Variants in ACSL1 observed in about 807,000 individuals in gnomAD.
The protein encoded by ACSL1 is acyl-CoA synthetase long chain family member 1, also known as long-chain-fatty-acid--CoA ligase 1.
In ACSL1, 41 loss-of-function variants were observed where a neutral mutation model predicts 98.4. The ratio of observed to expected loss-of-function variants is 0.42; its 90% CI spans 0.32 to 0.54. The LOEUF (loss-of-function observed/expected upper bound fraction) is 0.54, where lower values mean the gene tolerates loss of function less well. ACSL1 is among the 20% of genes least tolerant of loss of function. The pLI, the probability that ACSL1 is intolerant of heterozygous loss-of-function variation, is 0.13. For synonymous variants in ACSL1, 316 were observed against 322.7 expected, an observed-to-expected ratio of 0.98 and a Z score of 0.22; for missense variants, 734 against 883.1, an observed-to-expected ratio of 0.83 and a Z score of 2.14.
At chr4:184,821,734 A>G (rs1041975537) in intron 1 of ACSL1, among the ~76,000 whole-genome samples, 2 of 152,244 alleles carry the variant, frequency 1.3e-5, no homozygotes, top group Non-Finnish European at 2.9e-5. Context: ...TGGCCCATAC[A>G]GCAAATAATG....
chr4:184,759,274 G>A (rs958336350), intron 18 of ACSL1, among the ~76,000 whole-genome samples: 1 of 152,164 alleles, frequency 6.6e-6, no homozygotes, highest in African/African-American at 2.4e-5. Context: ...CCAGTAATGG[G>A]ATTGCTGGGT....
Position 184,773,583 on chromosome 4 carries a change from G to C in ACSL1, c.841+80C>G. The C allele has an allele frequency of 7.3e-7, 1 of 1,364,136 alleles. No homozygotes were observed. The highest frequency in any genetic ancestry group is 1.0e-6 in the Non-Finnish European group (1 of 990,344). The allele number at this position is 1,364,136 out of a possible 1,614,324, so 84.5% of individuals were successfully genotyped here. On this transcript the variant is annotated intron_variant, in intron 9 of 20. Coordinates refer to ENST00000281455, the MANE Select transcript of ACSL1 (RefSeq NM_001995.5). This position sits in a 1 kb window ranked among gnomAD's most constrained non-coding sequence, Gnocchi z 4.3. ...GCTTTTGGTCCGTCTACTGTTAGCTGATAAGTCATCCAAAAGAGGTAGGGG... is the reference window on the plus strand; with the variant it reads ...GCTTTTGGTCCGTCTACTGTTAGCTCATAAGTCATCCAAAAGAGGTAGGGG...
chr4:184,769,975 A>G (rs1271552770), intron 11 of ACSL1, among the ~76,000 whole-genome samples: 3 of 152,226 alleles, frequency 2.0e-5, no homozygotes, highest in Non-Finnish European at 2.9e-5. Context: ...AACAAGCACA[A>G]TCAAAAATAG....
intron 4 of ACSL1, among the ~76,000 whole-genome samples, chr4:184,780,883 C>T (rs1031351516): frequency 2.0e-5 from 3 of 152,162 alleles, no homozygotes; most frequent in African/African-American, 7.2e-5. Context: ...TTAAGTTCTA[C>T]AGTTCCATTC....
At chr4:184,808,240 T>TAC (rs144996842) in intron 1 of ACSL1, 46,846 of 802,764 alleles carry the variant, frequency 0.058, 2,797 homozygotes, top group African/African-American at 0.31. Flanking sequence ...TACACAAACA[T>TAC]ACACACACAC....
chr4:184,802,634 G>A (rs1209068937), intron 2 of ACSL1, among the ~76,000 whole-genome samples: 1 of 152,164 alleles, frequency 6.6e-6, no homozygotes, highest in African/African-American at 2.4e-5. Context: ...GAATCTTCCT[G>A]AAAGGATCCT....
intron 2 of ACSL1, among the ~76,000 whole-genome samples, chr4:184,802,282 G>A (rs1038687971): frequency 1.3e-5 from 2 of 152,104 alleles, no homozygotes; most frequent in African/African-American, 4.8e-5. Context: ...CAAAGACCTA[G>A]AATCCCATAA....
rs1009534077 is a variant in ACSL1, at chr4:184,773,219, C to T, written c.842-65G>A. On this transcript the variant is annotated intron_variant, in intron 9 of 20. Coordinates refer to ENST00000281455, the MANE Select transcript of ACSL1 (RefSeq NM_001995.5). The surrounding 1 kb of genome is among the most constrained non-coding windows in gnomAD (Gnocchi z 4.3). ...ACAGAAATGAAGGAGGCCCAGAAACCTCACATAATTAGGGCTTCAGACACC... is the reference window on the plus strand; with the variant it reads ...ACAGAAATGAAGGAGGCCCAGAAACTTCACATAATTAGGGCTTCAGACACC... 25 of 1,456,464 alleles carry T rather than the reference C, an allele frequency of 1.7e-5. 1 individual carries two copies. In the Admixed American group the frequency reaches 4.3e-4, roughly 25 times the overall value. The allele number at this position is 1,456,464 out of a possible 1,614,324, so 90.2% of individuals were successfully genotyped here. A position where few individuals can be genotyped will look rare whatever the true frequency, so the allele number is the denominator to read the frequency against.
chr4:184,775,235 A>G (rs545553880), intron 7 of ACSL1, among the ~76,000 whole-genome samples: 1 of 152,168 alleles, frequency 6.6e-6, no homozygotes, highest in Non-Finnish European at 1.5e-5. Flanking sequence ...TTTGCTCAGA[A>G]TATTTTTAAA....
At chr4:184,791,057 A>G (rs1768262137) in intron 2 of ACSL1, among the ~76,000 whole-genome samples, 2 of 152,250 alleles carry the variant, frequency 1.3e-5, no homozygotes, top group Admixed American at 1.3e-4. Context: ...TGGTTGTCTC[A>G]GCATGGCCTA....
chr4:184,791,519 C>T (rs1768362794), intron 2 of ACSL1, among the ~76,000 whole-genome samples: 1 of 152,208 alleles, frequency 6.6e-6, no homozygotes, highest in Non-Finnish European at 1.5e-5. Flanking sequence ...TGCGATCCAG[C>T]AATCTGTGCT....
intron 2 of ACSL1, among the ~76,000 whole-genome samples, chr4:184,799,412 C>T (rs189089190): frequency 7.9e-5 from 12 of 152,298 alleles, no homozygotes; most frequent in Non-Finnish European, 1.6e-4. Context: ...CCACTGTGCC[C>T]AGCCCACTAC....
rs1480299795 is a variant in ACSL1, at chr4:184,776,806, T to C, written c.577+78A>G. 3 of 1,539,052 alleles carry C rather than the reference T, an allele frequency of 1.9e-6. No homozygotes were observed. The Admixed American group carries it at 5.6e-5, about 29-fold the overall frequency. ...ATTTACATGTAAAATCTTTGTCAAATCAAATGTAAGCAAATGTAAAGTCAC... is the reference window on the plus strand; with the variant it reads ...ATTTACATGTAAAATCTTTGTCAAACCAAATGTAAGCAAATGTAAAGTCAC... On this transcript the variant is annotated intron_variant, in intron 6 of 20. Coordinates refer to ENST00000281455, the MANE Select transcript of ACSL1 (RefSeq NM_001995.5).
At chr4:184,765,126 T>C (rs765740036) in intron 14 of ACSL1, among the ~76,000 whole-genome samples, 59 of 152,180 alleles carry the variant, frequency 3.9e-4, no homozygotes, top group Non-Finnish European at 7.6e-4. Context: ...ACACCTTCTA[T>C]TTAACTTCCA....
At chr4:184,801,411 T>G (rs1770494215) in intron 2 of ACSL1, among the ~76,000 whole-genome samples, 1 of 152,158 alleles carries the variant, frequency 6.6e-6, no homozygotes, top group African/African-American at 2.4e-5. Context: ...TTACTTGTTT[T>G]CAAAGTAGGA....
rs1251021717 is a variant in ACSL1, at chr4:184,825,175, G to A, written c.-33+741C>T. 8.1e-6 allele frequency: 8 copies of A among 985,232 alleles called. No homozygotes were observed. Among genetic ancestry groups the A allele is most frequent in the Non-Finnish European group, 8.4e-6 (7 of 829,908 alleles). 61.0% of individuals were successfully genotyped at this position (985,232 alleles called of 1,614,324 possible). A position where few individuals can be genotyped will look rare whatever the true frequency, so the allele number is the denominator to read the frequency against. The stretch of plus-strand genomic sequence containing the variant: ...CACTCTCACAACGCACCGACTGGGG[G>A]AACGCCTGTCCCCAGACTCGAATCC... On this transcript the variant is annotated intron_variant, in intron 1 of 20. Coordinates refer to ENST00000281455, the MANE Select transcript of ACSL1 (RefSeq NM_001995.5). This position sits in a 1 kb window ranked among gnomAD's most constrained non-coding sequence, Gnocchi z 4.7.
Position 184,776,523 on chromosome 4 carries a change from C to G in ACSL1, c.717G>C (p.Gln239His). Reference sequence around the variant, plus strand: ...TGCTGGTGACTTCCACCCCACACCTCTGGCCTCGTTCCACCAGTTCACTGC... The same window carrying G: ...TGCTGGTGACTTCCACCCCACACCTGTGGCCTCGTTCCACCAGTTCACTGC... ...AYGSELVERGQRCGVEVTSMK... is the reference protein window; with the variant it reads ...AYGSELVERGHRCGVEVTSMK... Residue 239 changes from glutamine to histidine, a missense_variant, in exon 7 of 21, where the codon CAG becomes CAC. By Grantham distance (24) the Gln-to-His change is conservative. Coordinates refer to ENST00000281455, the MANE Select transcript of ACSL1 (RefSeq NM_001995.5). 1 of 1,614,042 alleles carries G rather than the reference C, an allele frequency of 6.2e-7. No homozygotes were observed. The highest frequency in any genetic ancestry group is 8.5e-7 in the Non-Finnish European group (1 of 1,179,930).
chr4:184,823,555 A>G (rs982582695), intron 1 of ACSL1, among the ~76,000 whole-genome samples: 1 of 152,214 alleles, frequency 6.6e-6, no homozygotes, highest in Non-Finnish European at 1.5e-5. Flanking sequence ...AGAGAGGAGA[A>G]ATACCCAGTT....
chr4:184,770,875 G>C (rs1177011745), intron 10 of ACSL1, among the ~76,000 whole-genome samples: 3 of 152,200 alleles, frequency 2.0e-5, no homozygotes, highest in African/African-American at 4.8e-5. Flanking sequence ...TGTAATCCCA[G>C]CACTTTGGGA....
Sources: allele counts gnomAD v4.1 joint callset (sites outside exome capture counted in the v4.1 genomes callset), GRCh38; gene constraint gnomAD v4.1.1; non-coding constraint Gnocchi (gnomAD v3.1); transcripts MANE v1.5; gene names NCBI Gene and HGNC (gene_info 2026-07-23, HGNC 2026-07-21).